Variants in SV2B observed in about 807,000 individuals in gnomAD.
SV2B encodes the protein solute carrier family 22 member B2.
In SV2B, 41 loss-of-function variants were observed where a neutral mutation model predicts 73.9. That is an observed-to-expected ratio of 0.56 (90% CI 0.43 to 0.72). The LOEUF (loss-of-function observed/expected upper bound fraction) is 0.72, where lower values mean the gene tolerates loss of function less well. Among genes scored for constraint, SV2B ranks in the 30% least tolerant of loss-of-function variants. The pLI is 0.00. For missense variants in SV2B, 764 were observed against 857.8 expected (o/e 0.89, Z 1.37); for synonymous variants, 314 against 314.2 (o/e 1.00, Z 0.01).
intron 11 of SV2B, among the ~76,000 whole-genome samples, chr15:91,285,374 A>G (rs1330367046): frequency 2.0e-5 from 3 of 152,186 alleles, no homozygotes; most frequent in African/African-American, 4.8e-5. Flanking sequence ...GGAAGGGACA[A>G]TGGCTTACTC....
At chr15:91,255,746 T>C (rs1276102335) in intron 4 of SV2B, among the ~76,000 whole-genome samples, 2 of 152,240 alleles carry the variant, frequency 1.3e-5, no homozygotes, top group Non-Finnish European at 2.9e-5. Flanking sequence ...TCAGGCTTAA[T>C]TGAAACAGGC....
chr15:91,170,909 A>G (rs2044100079), intron 1 of SV2B, among the ~76,000 whole-genome samples: 1 of 152,100 alleles, frequency 6.6e-6, no homozygotes. Context: ...TGGAATAAAC[A>G]GGGTTTGTGA....
intron 1 of SV2B, among the ~76,000 whole-genome samples, chr15:91,217,280 C>G (rs2046065501): frequency 6.6e-6 from 1 of 152,176 alleles, no homozygotes; most frequent in Non-Finnish European, 1.5e-5. Context: ...AAATTCAGTG[C>G]TTTATCTATC....
In SV2B at chr15:91,223,558, G is replaced by A. The variant is rs1004314905; in HGVS notation, c.-391-2315G>A. Among the ~76,000 whole-genome samples, 12 of 152,156 alleles carry A rather than the reference G, an allele frequency of 7.9e-5. No homozygotes were observed. Among genetic ancestry groups the A allele is most frequent in the African/African-American group, 2.7e-4 (11 of 41,430 alleles). ...AAGTCTATCATTTCTGGTTCACGAC[G>A]TTGTTATAGGGCCCCCAGGATGGAA... is the stretch of plus-strand genomic sequence containing the variant. On this transcript the variant is annotated intron_variant, in intron 1 of 12. Coordinates refer to ENST00000394232, the MANE Select transcript of SV2B (RefSeq NM_001323032.3). This position sits in a 1 kb window ranked among gnomAD's most constrained non-coding sequence, Gnocchi z 4.6.
chr15:91,144,098 TTACTC>T (rs1239619848), intron 1 of SV2B, among the ~76,000 whole-genome samples: 1 of 152,250 alleles, frequency 6.6e-6, no homozygotes, highest in Non-Finnish European at 1.5e-5. Flanking sequence ...AAAATGTTAT[TTACTC>T]TAGTAGTACT....
In SV2B at chr15:91,231,599, T is replaced by C. The variant is rs140218527; in HGVS notation, c.451+4885T>C. Among the ~76,000 whole-genome samples, 292 of 152,340 alleles carry C rather than the reference T, an allele frequency of 1.9e-3. 3 individuals carry two copies. Among genetic ancestry groups the C allele is most frequent in the African/African-American group, 6.6e-3 (275 of 41,576 alleles). On this transcript the variant is annotated intron_variant, in intron 2 of 12. Transcript: ENST00000394232. The surrounding 1 kb of genome is among the most constrained non-coding windows in gnomAD (Gnocchi z 4.5). The stretch of plus-strand genomic sequence containing the variant: ...AAGGCAAACCAACCCCATCCTTTTC[T>C]GCCTGCATTTGATAAATTGACACCA...
chr15:91,262,315 C>T (rs554210147), intron 6 of SV2B, among the ~76,000 whole-genome samples: 1 of 152,142 alleles, frequency 6.6e-6, no homozygotes, highest in Admixed American at 6.5e-5. Flanking sequence ...GCTACACAGA[C>T]GTTAACCATT....
At chr15:91,260,894 C>G (rs2047889225) in intron 6 of SV2B, among the ~76,000 whole-genome samples, 1 of 152,166 alleles carries the variant, frequency 6.6e-6, no homozygotes, top group Non-Finnish European at 1.5e-5. Context: ...ACCATGAGAA[C>G]AGTATGGGTG....
chr15:91,164,921 T>C (rs1457918679), intron 1 of SV2B, among the ~76,000 whole-genome samples: 1 of 152,240 alleles, frequency 6.6e-6, no homozygotes, highest in East Asian at 1.9e-4. Context: ...TACTTTTCCT[T>C]ATGTTTTCAC....
At chr15:91,135,689 C>T (rs1469939779) in intron 1 of SV2B, among the ~76,000 whole-genome samples, 2 of 152,180 alleles carry the variant, frequency 1.3e-5, no homozygotes, top group Admixed American at 6.5e-5. Flanking sequence ...AAGGAACCAG[C>T]GTTTACTGAG....
Position 91,292,151 on chromosome 15 carries a change from G to A in SV2B, c.1869-218G>A, listed in dbSNP as rs536917368. ...AAGAAAATACTTCAAAATGTTAATA[G>A]AGGTGATTGTGTCTCGGTGAAGAGG... is the stretch of plus-strand genomic sequence containing the variant. On this transcript the variant is annotated intron_variant, in intron 12 of 12. Coordinates refer to ENST00000394232, the MANE Select transcript of SV2B (RefSeq NM_001323032.3). Among the ~76,000 whole-genome samples, 88 of 151,916 alleles carry A rather than the reference G, an allele frequency of 5.8e-4. 1 individual carries two copies. Among genetic ancestry groups the A allele is most frequent in the Non-Finnish European group, 1.1e-3 (76 of 67,976 alleles).
rs946392237 is a variant in SV2B at position 91,197,403 on chromosome 15, T to C, written c.-391-28470T>C. Among the ~76,000 whole-genome samples the C allele has an allele frequency of 5.3e-5, 8 of 151,894 alleles. No homozygotes were observed. Among genetic ancestry groups the C allele is most frequent in the Admixed American group, 5.2e-4 (8 of 15,272 alleles). On this transcript the variant is annotated intron_variant, in intron 1 of 12. Transcript: ENST00000394232. This position sits in a 1 kb window ranked among gnomAD's most constrained non-coding sequence, Gnocchi z 4.9. ...GCCACCACACCTGTTTTTATATTTTTTGTAGAGATGGGGTTTCTCCATGTT... is the reference window on the plus strand; with the variant it reads ...GCCACCACACCTGTTTTTATATTTTCTGTAGAGATGGGGTTTCTCCATGTT...
rs1446856053 is a variant in SV2B, at chr15:91,281,134, C to G, written c.1374-594C>G. On this transcript the variant is annotated intron_variant, in intron 9 of 12. Transcript: ENST00000394232. This position sits in a 1 kb window ranked among gnomAD's most constrained non-coding sequence, Gnocchi z 4.7. ...ATCAGTGAATGTATCTCTTTGAATA[C>G]ATGGGCAAGTATGTGTAGGATAAAT... is the stretch of plus-strand genomic sequence containing the variant. Among the ~76,000 whole-genome samples the G allele has an allele frequency of 1.3e-5, 2 of 152,158 alleles. No individual in the cohort carries two copies. The highest frequency in any genetic ancestry group is 4.8e-5 in the African/African-American group (2 of 41,434).
rs2047195953 is a variant in SV2B at position 91,245,740 on chromosome 15, T to C, written c.452-6079T>C. 6.6e-6 allele frequency among the ~76,000 whole-genome samples: 1 copy of C among 152,000 alleles called. No homozygotes were observed. Among genetic ancestry groups the C allele is most frequent in the African/African-American group, 2.4e-5 (1 of 41,376 alleles). On this transcript the variant is annotated intron_variant, in intron 2 of 12. Coordinates refer to ENST00000394232, the MANE Select transcript of SV2B (RefSeq NM_001323032.3). This position sits in a 1 kb window ranked among gnomAD's most constrained non-coding sequence, Gnocchi z 4.2. ...AAACAAATAAATATATAACATCAAA[T>C]AGAGACATGTGATACAAAGGAAAAG... is the stretch of plus-strand genomic sequence containing the variant.
chr15:91,220,725 G>A lies in SV2B; in HGVS notation c.-391-5148G>A, dbSNP rs1446016830. On this transcript the variant is annotated intron_variant, in intron 1 of 12. Coordinates refer to ENST00000394232, the MANE Select transcript of SV2B (RefSeq NM_001323032.3). The surrounding 1 kb of genome is among the most constrained non-coding windows in gnomAD (Gnocchi z 4.1). ...AATATTTGTTTGTTTTTCTCTGTAT[G>A]TGGTTTCCTAGCCCAGCCCTGATGG... Among the ~76,000 whole-genome samples the A allele has an allele frequency of 6.6e-6, 1 of 152,210 alleles. No homozygotes were observed. Among genetic ancestry groups the A allele is most frequent in the African/African-American group, 2.4e-5 (1 of 41,464 alleles).
rs1284763324 is a variant in SV2B, at chr15:91,102,655, A to C, written c.-392+2292A>C. Among the ~76,000 whole-genome samples the C allele has an allele frequency of 2.0e-5, 3 of 152,216 alleles. No homozygotes were observed. In the East Asian group the frequency reaches 5.8e-4, roughly 29 times the overall value. Reference sequence around the variant, plus strand: ...GTGTAAGATGATGGACAAATAAATAAGTATAGAGTGTATCAGCTAATGAGA... The same window carrying C: ...GTGTAAGATGATGGACAAATAAATACGTATAGAGTGTATCAGCTAATGAGA... On this transcript the variant is annotated intron_variant, in intron 1 of 12. Transcript: ENST00000394232.
rs1029381485 is a variant in SV2B, at chr15:91,214,489, G to T, written c.-391-11384G>T. ...CATTTAATTCTCATAACAATGCAAT[G>T]AATAGGAATCCTTATTATCCTCATT... On this transcript the variant is annotated intron_variant, in intron 1 of 12. Coordinates refer to ENST00000394232, the MANE Select transcript of SV2B (RefSeq NM_001323032.3). The surrounding 1 kb of genome is among the most constrained non-coding windows in gnomAD (Gnocchi z 4.7). Among the ~76,000 whole-genome samples the T allele has an allele frequency of 3.9e-5, 6 of 152,168 alleles. No individual in the cohort carries two copies. Among genetic ancestry groups the T allele is most frequent in the Non-Finnish European group, 8.8e-5 (6 of 68,042 alleles).
intron 10 of SV2B, among the ~76,000 whole-genome samples, 179 bp downstream of exon 10, chr15:91,282,040 CT>C (rs1328592121): frequency 6.6e-6 from 1 of 152,234 alleles, no homozygotes; most frequent in Non-Finnish European, 1.5e-5. Context: ...GGTGCACAGC[CT>C]TTGCTAAGGC....
In SV2B at chr15:91,124,952, C is replaced by T. The variant is rs1443532401; in HGVS notation, c.-392+24589C>T. Among the ~76,000 whole-genome samples the T allele has an allele frequency of 6.6e-6, 1 of 152,172 alleles. No individual in the cohort carries two copies. Among genetic ancestry groups the T allele is most frequent in the Non-Finnish European group, 1.5e-5 (1 of 68,030 alleles). ...TACAGGTGTGAGCCACTGCGCCCAG[C>T]CCAGAAATTTATTTCTGGTGGTTTT... On this transcript the variant is annotated intron_variant, in intron 1 of 12. Coordinates refer to ENST00000394232, the MANE Select transcript of SV2B (RefSeq NM_001323032.3). The surrounding 1 kb of genome is among the most constrained non-coding windows in gnomAD (Gnocchi z 4.6).
Sources: allele counts gnomAD v4.1 joint callset (sites outside exome capture counted in the v4.1 genomes callset), GRCh38; gene constraint gnomAD v4.1.1; non-coding constraint Gnocchi (gnomAD v3.1); transcripts MANE v1.5; gene names NCBI Gene and HGNC (gene_info 2026-07-23, HGNC 2026-07-21).